The following PRDM5 variants were observed in gnomAD, a reference collection of about 807,000 sequenced individuals.
PRDM5 encodes the protein PR/SET domain 5.
Under a neutral mutation model 81.2 loss-of-function variants are expected in PRDM5, and 56 were observed. That is an observed-to-expected ratio of 0.69 (90% CI 0.56 to 0.86). The LOEUF (loss-of-function observed/expected upper bound fraction) is 0.86. Ranked by LOEUF, PRDM5 falls within the 40% of genes least tolerant of loss-of-function variation. The pLI, the probability that PRDM5 is intolerant of heterozygous loss-of-function variation, is 0.00. For synonymous variants in PRDM5, 267 were observed against 256.4 expected, an observed-to-expected ratio of 1.04 and a Z score of -0.39; for missense variants, 697 against 770.1, an observed-to-expected ratio of 0.91 and a Z score of 1.12.
At chr4:120,794,501 G>A (rs1751049420) in intron 10 of PRDM5, among the ~76,000 whole-genome samples, 1 of 138,450 alleles carries the variant, frequency 7.2e-6, no homozygotes, top group Admixed American at 7.5e-5. Context: ...AAATAATTCT[G>A]ACTCCAAAAT....
intron 2 of PRDM5, among the ~76,000 whole-genome samples, chr4:120,872,012 G>A (rs947072350): frequency 3.3e-5 from 5 of 151,670 alleles, no homozygotes; most frequent in African/African-American, 1.2e-4. Flanking sequence ...TTAGCCAGGC[G>A]TGGTGGCACA....
At chr4:120,847,841 G>C (rs1758833194) in intron 3 of PRDM5, among the ~76,000 whole-genome samples, 1 of 152,072 alleles carries the variant, frequency 6.6e-6, no homozygotes, top group Non-Finnish European at 1.5e-5. Flanking sequence ...TTTTACCGCT[G>C]GGTGAGACAT....
intron 3 of PRDM5, among the ~76,000 whole-genome samples, chr4:120,827,462 A>C (rs992115235): frequency 6.6e-6 from 1 of 152,142 alleles, no homozygotes; most frequent in Non-Finnish European, 1.5e-5. Flanking sequence ...GCACCAACAA[A>C]CTTCTTATGC....
intron 6 of PRDM5, 125 bp from the exon 7 acceptor site, chr4:120,816,699 C>G: frequency 1.3e-6 from 2 of 1,514,286 alleles, no homozygotes; most frequent in South Asian, 1.1e-5. Flanking sequence ...CCATGCATTA[C>G]CTATGCAGGT....
At chr4:120,896,962 C>A (rs559714862) in intron 2 of PRDM5, 3 of 151,650 alleles carry the variant, frequency 2.0e-5, no homozygotes, top group African/African-American at 2.4e-5. Context: ...GGATTACAGG[C>A]GCGAGCCACC....
chr4:120,690,117 A>G (rs1246669462), downstream of PRDM5, among the ~76,000 whole-genome samples: 1 of 152,178 alleles, frequency 6.6e-6, no homozygotes, highest in Non-Finnish European at 1.5e-5. Flanking sequence ...CATTAAAGGC[A>G]ATTTTGGTTC....
At chr4:120,911,501 C>A (rs539806578) in intron 1 of PRDM5, among the ~76,000 whole-genome samples, 1 of 152,204 alleles carries the variant, frequency 6.6e-6, no homozygotes. Flanking sequence ...ATTCAATCTT[C>A]TATTCACTGG....
intron 4 of PRDM5, 130 bp from the exon 5 acceptor site, chr4:120,818,657 A>C: frequency 1.3e-6 from 1 of 782,784 alleles, no homozygotes; most frequent in Non-Finnish European, 2.1e-6. Context: ...TCTTATTATC[A>C]CTATAAATAT....
At chr4:120,749,449 A>C (rs141726572) in intron 14 of PRDM5, among the ~76,000 whole-genome samples, 2,124 of 152,278 alleles carry the variant, frequency 0.014, 23 homozygotes, top group Middle Eastern at 0.034. Context: ...GAGAGCCCCC[A>C]GGTGGCACAG....
intron 2 of PRDM5, among the ~76,000 whole-genome samples, chr4:120,862,049 T>C (rs1347793922): frequency 6.6e-6 from 1 of 152,164 alleles, no homozygotes; most frequent in Non-Finnish European, 1.5e-5. Flanking sequence ...CTCCTCAAAA[T>C]GTACATAACT....
At chr4:120,742,837 C>G (rs1186265731) in intron 14 of PRDM5, among the ~76,000 whole-genome samples, 4 of 151,942 alleles carry the variant, frequency 2.6e-5, no homozygotes, top group Non-Finnish European at 5.9e-5. Context: ...AGAATGGAAC[C>G]AAGTTGGAAA....
At chr4:120,789,875 A>G (rs1750323767) in intron 10 of PRDM5, among the ~76,000 whole-genome samples, 1 of 152,194 alleles carries the variant, frequency 6.6e-6, no homozygotes, top group South Asian at 2.1e-4. Flanking sequence ...ATGTTCCTAC[A>G]TAACTATAGT....
chr4:120,920,311 T>C (rs1724731406), intron 1 of PRDM5, among the ~76,000 whole-genome samples: 1 of 152,250 alleles, frequency 6.6e-6, no homozygotes, highest in African/African-American at 2.4e-5. Flanking sequence ...ACATCTGTAA[T>C]TTCCAACACA....
intron 2 of PRDM5, among the ~76,000 whole-genome samples, chr4:120,884,001 A>G (rs183144848): frequency 6.6e-6 from 1 of 152,334 alleles, no homozygotes; most frequent in East Asian, 1.9e-4. Flanking sequence ...TGGTGTATAA[A>G]TCTTAATAAA....
intron 2 of PRDM5, among the ~76,000 whole-genome samples, chr4:120,901,656 C>A (rs1480609679): frequency 1.3e-5 from 2 of 152,052 alleles, no homozygotes; most frequent in African/African-American, 4.8e-5. Context: ...AGATAAATAC[C>A]TTTTTAGCAT....
chr4:120,818,560 C>A (rs376403580), intron 4 of PRDM5, 33 bp from the exon 5 acceptor site: 4 of 1,584,776 alleles, frequency 2.5e-6, no homozygotes. Flanking sequence ...ATTCATGAGA[C>A]AAAAATTCAG....
Position 120,821,413 on chromosome 4 carries a change from A to G in PRDM5, c.301-68T>C, listed in dbSNP as rs1578873433. On this transcript the variant is annotated intron_variant, in intron 3 of 15. Transcript: ENST00000264808. Reference sequence around the variant, plus strand: ...TGATAGTAATTAAGAAATAATTTTAAGATACATTAATGGAGTACTATGTGT... The same window carrying G: ...TGATAGTAATTAAGAAATAATTTTAGGATACATTAATGGAGTACTATGTGT... The G allele has an allele frequency of 2.1e-6, 3 of 1,432,252 alleles. No individual in the cohort carries two copies. In the East Asian group the frequency reaches 6.9e-5, roughly 33 times the overall value. 88.7% of individuals were successfully genotyped at this position (1,432,252 alleles called of 1,614,324 possible). A position where few individuals can be genotyped will look rare whatever the true frequency, so the allele number is the denominator to read the frequency against.
At chr4:120,732,534 T>C (rs1286833783) in intron 14 of PRDM5, among the ~76,000 whole-genome samples, 3 of 152,180 alleles carry the variant, frequency 2.0e-5, no homozygotes, top group Admixed American at 6.5e-5. Context: ...TGAAATCAGA[T>C]GTATTGCTTG....
In PRDM5 at chr4:120,824,966, ATTTAT is replaced by A. The variant is rs886836276; in HGVS notation, c.301-3626_301-3622del. On this transcript the variant is annotated intron_variant, in intron 3 of 15. Coordinates refer to ENST00000264808, the MANE Select transcript of PRDM5 (RefSeq NM_018699.4). ...TTTATAATTTTCCTAGAATTAATTA[ATTTAT>A]TTTATTTATTACTTTTGTAGTAAAA... Among the ~76,000 whole-genome samples the A allele has an allele frequency of 2.7e-4, 41 of 152,132 alleles. 1 individual carries two copies. Among genetic ancestry groups the A allele is most frequent in the Non-Finnish European group, 1.2e-4 (8 of 68,010 alleles).
Sources: gnomAD v4.1 joint callset for allele counts (sites outside exome capture counted in the v4.1 genomes callset) on GRCh38, gnomAD v4.1.1 for gene constraint, MANE v1.5 for transcripts, NCBI Gene and HGNC (gene_info 2026-07-23, HGNC 2026-07-21) for gene names.